The following SPECC1 variants were observed in gnomAD, a reference collection of about 807,000 sequenced individuals.
SPECC1 encodes the protein sperm antigen with calponin homology and coiled-coil domains 1, also known as cytospin-B.
SPECC1 carries 62 observed loss-of-function variants against 104.1 expected under a neutral mutation model. That is an observed-to-expected ratio of 0.60 (90% CI 0.49 to 0.74). SPECC1 has a LOEUF of 0.74. Ranked by LOEUF, SPECC1 falls within the 30% of genes least tolerant of loss-of-function variation. The probability of loss-of-function intolerance (pLI) is 0.00; values close to 1 mark genes in which losing one functional copy is unlikely to be tolerated. For synonymous variants in SPECC1, 513 were observed against 501.6 expected (o/e 1.02, Z -0.30); for missense variants, 1,306 against 1,310.5 (o/e 1.00, Z 0.05).
chr17:20,217,691 G>A (rs1206607368), intron 4 of SPECC1, among the ~76,000 whole-genome samples: 1 of 152,200 alleles, frequency 6.6e-6, no homozygotes, highest in Non-Finnish European at 1.5e-5. Context: ...TTCTATTGCT[G>A]CTTTTCAAAT....
chr17:20,132,096 C>T (rs751254498), intron 3 of SPECC1, among the ~76,000 whole-genome samples: 4 of 151,704 alleles, frequency 2.6e-5, no homozygotes, highest in Non-Finnish European at 4.4e-5. Flanking sequence ...CTATTCCAGT[C>T]TTTACCATGA....
intron 1 of SPECC1, among the ~76,000 whole-genome samples, chr17:20,088,493 C>T (rs4924803): frequency 0.5 from 75,542 of 151,864 alleles, 19,357 homozygotes; most frequent in Middle Eastern, 0.6. Flanking sequence ...AGAAGAGAGA[C>T]GATTTTCTGG....
chr17:20,300,560 C>T (rs1296531432), intron 13 of SPECC1, among the ~76,000 whole-genome samples: 1 of 152,240 alleles, frequency 6.6e-6, no homozygotes, highest in Admixed American at 6.5e-5. Context: ...GTCCTTGAAT[C>T]AGCATGGCTG....
intron 3 of SPECC1, among the ~76,000 whole-genome samples, chr17:20,165,943 CTT>C (rs1027674635): frequency 1.3e-5 from 2 of 151,770 alleles, no homozygotes; most frequent in African/African-American, 4.8e-5. Context: ...GGATATTAGA[CTT>C]TTGTCAGATG....
In SPECC1 at chr17:20,317,161, T is replaced by C; in HGVS notation, c.*3096T>C. 1.2e-5 allele frequency: 2 copies of C among 173,282 alleles called. No homozygotes were observed. The highest frequency in any genetic ancestry group is 2.4e-5 in the Non-Finnish European group (2 of 81,672). 10.7% of individuals were successfully genotyped at this position (173,282 alleles called of 1,614,324 possible). ...CAGGCATGGTGGCTCATGCCTATAA[T>C]CCCAGCACTTTGGGAGGCTGAGGTG... On this transcript the variant is annotated 3_prime_UTR_variant, in exon 15 of 15. Transcript: ENST00000395527.
intron 9 of SPECC1, among the ~76,000 whole-genome samples, chr17:20,253,212 A>G (rs934549331): frequency 2.0e-5 from 3 of 152,210 alleles, no homozygotes; most frequent in Admixed American, 6.5e-5. Context: ...AGAACATTCC[A>G]GGAAAGATAT....
intron 1 of SPECC1, among the ~76,000 whole-genome samples, chr17:20,043,676 T>TCA (rs1327960346): frequency 6.6e-6 from 1 of 152,216 alleles, no homozygotes; most frequent in Non-Finnish European, 1.5e-5. Context: ...TGTCCCAGAC[T>TCA]CACCATTTTC....
At chr17:20,238,875 C>T in intron 7 of SPECC1, 1 of 1,043,330 alleles carries the variant, frequency 9.6e-7, no homozygotes, top group African/African-American at 1.7e-5. Flanking sequence ...GCAAAATAAA[C>T]ATGTTATTAT....
intron 1 of SPECC1, among the ~76,000 whole-genome samples, chr17:20,082,429 A>AT (rs1452040637): frequency 6.6e-6 from 1 of 151,986 alleles, no homozygotes; most frequent in Non-Finnish European, 1.5e-5. Context: ...GTGAGACCCC[A>AT]TTTCTCAAAA....
Position 20,156,055 on chromosome 17 carries a change from A to G in SPECC1, c.283+45493A>G. The G allele has an allele frequency of 3.1e-6, 4 of 1,288,596 alleles. No homozygotes were observed. In the South Asian group the frequency reaches 6.7e-5, roughly 22 times the overall value. 79.8% of individuals were successfully genotyped at this position (1,288,596 alleles called of 1,614,324 possible). On this transcript the variant is annotated intron_variant, in intron 3 of 14. Transcript: ENST00000395527. ...GCGGCTCCGCCGGCAGCTGCTGGGA[A>G]CTGGAAGGCGCCCGGTCCTTTCTTT...
chr17:20,298,938 A>T (rs1289493499), intron 13 of SPECC1, among the ~76,000 whole-genome samples: 6 of 50,492 alleles, frequency 1.2e-4, no homozygotes, highest in East Asian at 0.014. Context: ...AGAGAGAGAG[A>T]GAGAGAGAGA....
At chr17:20,189,550 A>G (rs1255177875) in intron 3 of SPECC1, among the ~76,000 whole-genome samples, 2 of 152,010 alleles carry the variant, frequency 1.3e-5, no homozygotes, top group African/African-American at 2.4e-5. Flanking sequence ...AGACCATACC[A>G]TTATCTCTCC....
chr17:20,022,425 A>G (rs1418214517), intron 1 of SPECC1, among the ~76,000 whole-genome samples: 2 of 152,206 alleles, frequency 1.3e-5, no homozygotes, highest in Admixed American at 6.5e-5. Context: ...ATGTTTCGAC[A>G]GTGCACATAG....
At chr17:20,028,045 G>C (rs1034177798) in intron 1 of SPECC1, among the ~76,000 whole-genome samples, 1 of 151,916 alleles carries the variant, frequency 6.6e-6, no homozygotes, top group Non-Finnish European at 1.5e-5. Context: ...TTTTACAGTC[G>C]TAACTCTTAC....
At position 20,009,806 on chromosome 17, in the gene SPECC1, G is replaced by A. The variant is rs1032488990; in HGVS notation, c.-22+382G>A. The A allele has an allele frequency of 2.6e-5, 4 of 152,426 alleles. No homozygotes were observed. Among genetic ancestry groups the A allele is most frequent in the African/African-American group, 9.6e-5 (4 of 41,456 alleles). The allele number at this position is 152,426 out of a possible 1,614,324, so 9.4% of individuals were successfully genotyped here. ...GCGACCCCAGCCCTCGCCGCAGTGG[G>A]ACAGGTGCGCGGGCACGCCCGGCCC... On this transcript the variant is annotated intron_variant, in intron 1 of 14. Transcript: ENST00000395527. The surrounding 1 kb of genome is among the most constrained non-coding windows in gnomAD (Gnocchi z 5.2).
At chr17:20,235,898 C>T (rs866645776) in intron 7 of SPECC1, among the ~76,000 whole-genome samples, 2 of 152,172 alleles carry the variant, frequency 1.3e-5, no homozygotes, top group East Asian at 1.9e-4. Context: ...AGTGTGGCAG[C>T]GCAGCACGTG....
intron 3 of SPECC1, among the ~76,000 whole-genome samples, chr17:20,136,777 C>T (rs974607555): frequency 9.2e-5 from 14 of 152,168 alleles, no homozygotes; most frequent in African/African-American, 3.4e-4. Flanking sequence ...CATAAAGAAC[C>T]TCCTCGTTCT....
intron 1 of SPECC1, among the ~76,000 whole-genome samples, chr17:20,086,212 G>C (rs761461069): frequency 6.6e-6 from 1 of 151,912 alleles, no homozygotes; most frequent in African/African-American, 2.4e-5. Context: ...TCTTCAGCAC[G>C]CCCCAGAAGC....
intron 1 of SPECC1, among the ~76,000 whole-genome samples, chr17:20,024,322 A>G (rs551230676): frequency 1.3e-5 from 2 of 152,196 alleles, no homozygotes; most frequent in East Asian, 1.9e-4. Flanking sequence ...TTCATTCATC[A>G]CGTCCTTTGT....
Sources: gnomAD v4.1 joint callset for allele counts (sites outside exome capture counted in the v4.1 genomes callset) on GRCh38, gnomAD v4.1.1 for gene constraint, Gnocchi (gnomAD v3.1) non-coding constraint, MANE v1.5 for transcripts, NCBI Gene and HGNC (gene_info 2026-07-23, HGNC 2026-07-21) for gene names.